CPD: variants seen among roughly 807,000 people sequenced by gnomAD.
The protein encoded by CPD is carboxypeptidase D.
In CPD, 69 loss-of-function variants were observed where a neutral mutation model predicts 138.3. The observed-to-expected ratio is 0.50, with a 90% CI of 0.41 to 0.61. The LOEUF (loss-of-function observed/expected upper bound fraction) is 0.61. Ranked by LOEUF, CPD falls within the 20% of genes least tolerant of loss-of-function variation. The probability of loss-of-function intolerance (pLI) is 0.00; values close to 1 mark genes in which losing one functional copy is unlikely to be tolerated. For missense variants in CPD, 1,432 were observed against 1,733.3 expected, an observed-to-expected ratio of 0.83 and a Z score of 3.09; for synonymous variants, 651 against 642.1, an observed-to-expected ratio of 1.01 and a Z score of -0.21.
Position 30,379,283 on chromosome 17 carries a change from C to T in CPD, c.303C>T (p.Ala101=). 1 of 1,509,710 alleles carries T rather than the reference C, an allele frequency of 6.6e-7. No homozygotes were observed. Among genetic ancestry groups the T allele is most frequent in the Non-Finnish European group, 8.8e-7 (1 of 1,135,782 alleles). 93.5% of individuals were successfully genotyped at this position (1,509,710 alleles called of 1,614,324 possible). ...CGCTGTGGGTGCTTCGCCTCACCGC[C>T]GGCCTGGGGTCGCTAATCCCTGAGG... ...GRPLWVLRLT[A]GLGSLIPEGD... The change falls in exon 1 of 21, where the codon GCC becomes GCT. Residue 101 remains alanine, a synonymous_variant. Transcript: ENST00000225719. This position sits in a 1 kb window ranked among gnomAD's most constrained non-coding sequence, Gnocchi z 7.0.
intron 6 of CPD, among the ~76,000 whole-genome samples, chr17:30,426,474 T>C (rs1237780366): frequency 6.6e-6 from 1 of 152,196 alleles, no homozygotes; most frequent in Non-Finnish European, 1.5e-5. Context: ...CCTTATGTGC[T>C]GAGTCAGCTT....
Position 30,379,456 on chromosome 17 carries a change from G to A in CPD, c.476G>A (p.Gly159Asp). Residue 159 changes from glycine to aspartate, a missense_variant, in exon 1 of 21, where the codon GGC becomes GAC. Gly to Asp is a moderately conservative substitution (Grantham distance 94). Transcript: ENST00000225719. The surrounding 1 kb of genome is among the most constrained non-coding windows in gnomAD (Gnocchi z 7.0). ...TACTTGGCCCGCGAGCTGGCGGCCG[G>A]CTACCGCCGCGGGGACCCGCGCCTG... is the stretch of plus-strand genomic sequence containing the variant. Reference protein sequence around the residue: ...LIYLARELAAGYRRGDPRLVR... With the variant: ...LIYLARELAADYRRGDPRLVR... The A allele has an allele frequency of 1.3e-6, 2 of 1,571,734 alleles. No individual in the cohort carries two copies. Among genetic ancestry groups the A allele is most frequent in the Non-Finnish European group, 1.7e-6 (2 of 1,166,228 alleles).
intron 2 of CPD, among the ~76,000 whole-genome samples, chr17:30,410,567 A>G (rs1446800229): frequency 1.3e-5 from 2 of 152,186 alleles, no homozygotes; most frequent in African/African-American, 2.4e-5. Context: ...TGTATTTAGG[A>G]TAGTTAGCTC....
intron 2 of CPD, among the ~76,000 whole-genome samples, chr17:30,388,304 G>C (rs527659107): frequency 6.6e-6 from 1 of 152,254 alleles, no homozygotes; most frequent in South Asian, 2.1e-4. Flanking sequence ...TGAAGGTGGG[G>C]CCTCACCAGG....
chr17:30,432,060 A>G (rs1479695013), intron 8 of CPD, among the ~76,000 whole-genome samples, 179 bp downstream of exon 8: 1 of 152,116 alleles, frequency 6.6e-6, no homozygotes, highest in Non-Finnish European at 1.5e-5. Flanking sequence ...AATACACTAC[A>G]TGTCTTTCTC....
At chr17:30,442,528 G>A in intron 10 of CPD, 78 bp downstream of exon 10, 2 of 1,410,780 alleles carry the variant, frequency 1.4e-6, no homozygotes, top group South Asian at 2.5e-5. Context: ...TTTTTGTGCA[G>A]TGATTTTGGA....
At chr17:30,405,698 A>G (rs1441634352) in intron 2 of CPD, among the ~76,000 whole-genome samples, 3 of 152,070 alleles carry the variant, frequency 2.0e-5, no homozygotes, top group South Asian at 2.1e-4. Flanking sequence ...TATTATATGT[A>G]TTTTAGTAAT....
At chr17:30,423,157 A>G in intron 5 of CPD, 134 bp downstream of exon 5, 1 of 683,538 alleles carries the variant, frequency 1.5e-6, no homozygotes, top group Non-Finnish European at 2.3e-6. Flanking sequence ...AAATTAAAAG[A>G]AAGCAAAAAA....
chr17:30,430,657 G>A (rs1481298135), intron 7 of CPD, among the ~76,000 whole-genome samples: 3 of 151,718 alleles, frequency 2.0e-5, no homozygotes, highest in South Asian at 4.2e-4. Context: ...TTTTCCCCGT[G>A]CCCCCCTTGT....
intron 1 of CPD, among the ~76,000 whole-genome samples, chr17:30,381,413 C>T (rs1302582313): frequency 1.3e-5 from 2 of 152,056 alleles, no homozygotes; most frequent in African/African-American, 4.8e-5. Context: ...TGAAAATAAG[C>T]TTTTTCTTGG....
chr17:30,449,767 T>C lies in CPD; in HGVS notation c.3069+19T>C, dbSNP rs2143484831. 4 of 1,533,650 alleles carry C rather than the reference T, an allele frequency of 2.6e-6. No homozygotes were observed. The highest frequency in any genetic ancestry group is 3.5e-6 in the Non-Finnish European group (4 of 1,148,904). On this transcript the variant is annotated intron_variant, in intron 13 of 20. Transcript: ENST00000225719. ...TACCCAAGTAAGAGAATAGCCGAGG[T>C]TGACATGCTTTAAAAGGAAAAAGCT...
At chr17:30,403,222 G>A (rs1911722841) in intron 2 of CPD, among the ~76,000 whole-genome samples, 1 of 152,188 alleles carries the variant, frequency 6.6e-6, no homozygotes, top group Admixed American at 6.5e-5. Flanking sequence ...TAATTCCAAT[G>A]TCAGTTCAGT....
chr17:30,396,195 T>A (rs1474381622), intron 2 of CPD, among the ~76,000 whole-genome samples: 3 of 152,192 alleles, frequency 2.0e-5, no homozygotes, highest in Non-Finnish European at 4.4e-5. Context: ...AAAGTAGTTT[T>A]AATAAAGTAA....
chr17:30,447,767 A>G (rs1913069215), intron 12 of CPD, among the ~76,000 whole-genome samples: 1 of 152,212 alleles, frequency 6.6e-6, no homozygotes, highest in African/African-American at 2.4e-5. Flanking sequence ...TGGCTTATGT[A>G]AAACTGATAG....
intron 8 of CPD, among the ~76,000 whole-genome samples, chr17:30,437,668 C>G (rs1912737818): frequency 6.6e-6 from 1 of 152,062 alleles, no homozygotes; most frequent in Admixed American, 6.6e-5. Flanking sequence ...AGCTGGGTGA[C>G]AAACAAGACC....
At chr17:30,384,864 A>G in intron 1 of CPD, 125 bp from the exon 2 acceptor site, 1 of 979,740 alleles carries the variant, frequency 1.0e-6, no homozygotes, top group Non-Finnish European at 1.5e-6. Context: ...CAGCTGATAG[A>G]GTTGTTTTCT....
At chr17:30,460,687 AC>A (rs768489109) in intron 17 of CPD, among the ~76,000 whole-genome samples, 88 of 152,136 alleles carry the variant, frequency 5.8e-4, no homozygotes, top group Non-Finnish European at 1.1e-3. Flanking sequence ...GGGTTTTTGA[AC>A]CTGTCTGCAC....
At chr17:30,411,613 T>C (rs1448530623) in intron 2 of CPD, among the ~76,000 whole-genome samples, 1 of 152,204 alleles carries the variant, frequency 6.6e-6, no homozygotes. Context: ...TAATTTGATC[T>C]TCAACCACGA....
Position 30,461,908 on chromosome 17 carries a change from A to G in CPD, c.3662A>G (p.Asp1221Gly), listed in dbSNP as rs1913485762. The stretch of plus-strand genomic sequence containing the variant: ...AAGGGAGTTCATGGATTTGTTAAAG[A>G]TAAGACTGGAAAGCCAATCTCTAAA... ...VHKGVHGFVK[D>G]KTGKPISKAV... is the part of the protein sequence containing the mutation. Residue 1221 changes from aspartate (D) to glycine (G), a missense_variant, in exon 19 of 21, where the codon GAT (aspartate) becomes GGT (glycine). This residue lies in a region of CPD where 366 missense variants were observed against 518.8 expected (regional missense o/e 0.71). Transcript: ENST00000225719. 6.2e-7 allele frequency: 1 copy of G among 1,605,582 alleles called. No homozygotes were observed. Among genetic ancestry groups the G allele is most frequent in the Non-Finnish European group, 8.5e-7 (1 of 1,177,318 alleles).
Sources: gnomAD v4.1 joint callset for allele counts (sites outside exome capture counted in the v4.1 genomes callset) on GRCh38, gnomAD v4.1.1 for gene constraint, gnomAD v4.1.1 regional missense constraint, Gnocchi (gnomAD v3.1) non-coding constraint, MANE v1.5 for transcripts, NCBI Gene and HGNC (gene_info 2026-07-23, HGNC 2026-07-21) for gene names.